Variants in ACAP1 observed in about 807,000 individuals in gnomAD.
ACAP1 encodes the protein ArfGAP with coiled-coil, ankyrin repeat and PH domains 1, also known as arf-GAP with coiled-coil, ANK repeat and PH domain-containing protein 1.
ACAP1 carries 45 observed loss-of-function variants against 98.8 expected under a neutral mutation model. The observed-to-expected ratio is 0.46, with a 90% confidence interval of 0.36 to 0.58. The LOEUF is 0.58. Among genes scored for constraint, ACAP1 ranks in the 20% least tolerant of loss-of-function variants. The pLI is 0.00. For missense variants in ACAP1, 735 were observed against 971.4 expected, an observed-to-expected ratio of 0.76 and a Z score of 3.24; for synonymous variants, 362 against 375.3, an observed-to-expected ratio of 0.96 and a Z score of 0.41.
In ACAP1 at chr17:7,350,475, T is replaced by A. The variant is rs2073395017; in HGVS notation, c.2072+238T>A. The A allele has an allele frequency of 3.5e-6, 2 of 570,142 alleles. No individual in the cohort carries two copies. The highest frequency in any genetic ancestry group is 6.2e-6 in the Non-Finnish European group (2 of 320,522). 35.3% of individuals were successfully genotyped at this position (570,142 alleles called of 1,614,324 possible). A position where few individuals can be genotyped will look rare whatever the true frequency, so the allele number is the denominator to read the frequency against. On this transcript the variant is annotated intron_variant, in intron 20 of 21. Transcript: ENST00000158762. The surrounding 1 kb of genome is among the most constrained non-coding windows in gnomAD (Gnocchi z 4.6). Reference sequence around the variant, plus strand: ...GGGTGCAAGGATGCTTGGCCCACCCTGAGAGGCGTAATTCGCCCATCAACA... The same window carrying A: ...GGGTGCAAGGATGCTTGGCCCACCCAGAGAGGCGTAATTCGCCCATCAACA...
At position 7,350,485 on chromosome 17, in the gene ACAP1, AATTCGCCC is replaced by A. The variant is rs1418276696; in HGVS notation, c.2072+251_2072+258del. 1 of 563,624 alleles carries A rather than the reference AATTCGCCC, an allele frequency of 1.8e-6. No individual in the cohort carries two copies. Among genetic ancestry groups the A allele is most frequent in the African/African-American group, 1.9e-5 (1 of 52,952 alleles). 34.9% of individuals were successfully genotyped at this position (563,624 alleles called of 1,614,324 possible). On this transcript the variant is annotated intron_variant, in intron 20 of 21. Transcript: ENST00000158762. This position sits in a 1 kb window ranked among gnomAD's most constrained non-coding sequence, Gnocchi z 4.6. ...ATGCTTGGCCCACCCTGAGAGGCGT[AATTCGCCC>A]ATCAACATTGCTGTCAGGCATCTTT...
intron 2 of ACAP1, among the ~76,000 whole-genome samples, chr17:7,338,213 G>T (rs2073240199): frequency 6.6e-6 from 1 of 152,000 alleles, no homozygotes; most frequent in Admixed American, 6.6e-5. Context: ...TGTTTTATGG[G>T]CAACATGGTG....
intron 2 of ACAP1, among the ~76,000 whole-genome samples, chr17:7,339,558 C>T (rs370281456): frequency 2.6e-4 from 39 of 151,798 alleles, no homozygotes; most frequent in Middle Eastern, 3.5e-3. Flanking sequence ...TGCAGTGAGC[C>T]GAGATCACGC....
intron 2 of ACAP1, among the ~76,000 whole-genome samples, chr17:7,340,715 G>A (rs186030389): frequency 3.8e-4 from 58 of 152,200 alleles, no homozygotes; most frequent in African/African-American, 1.3e-3. Flanking sequence ...GCGTGGTGGC[G>A]GGCACCTGTA....
In ACAP1 at chr17:7,342,264, T is replaced by C. The variant is rs142518938; in HGVS notation, c.232-11T>C. On this transcript the variant is annotated splice_polypyrimidine_tract_variant and intron_variant, in intron 3 of 21. Transcript: ENST00000158762. Reference sequence around the variant, plus strand: ...ATGCCTGGTACTCTTTCTGTGCCTCTTCTTGCCTAGGAGTGTCTGGAAAAA... The same window carrying C: ...ATGCCTGGTACTCTTTCTGTGCCTCCTCTTGCCTAGGAGTGTCTGGAAAAA... 4.7e-4 allele frequency: 764 copies of C among 1,614,032 alleles called. 2 individuals are homozygous for C. The African/African-American group carries it at 8.8e-3, about 19-fold the overall frequency.
intron 3 of ACAP1, 83 bp from the exon 4 acceptor site, chr17:7,342,192 A>G: frequency 6.2e-7 from 1 of 1,607,440 alleles, no homozygotes; most frequent in Non-Finnish European, 8.5e-7. Context: ...GCTGTCCATG[A>G]CAGCCGTAGC....
At chr17:7,347,789 C>T in intron 14 of ACAP1, 133 bp from the exon 15 acceptor site, 1 of 715,776 alleles carries the variant, frequency 1.4e-6, no homozygotes, top group Non-Finnish European at 2.4e-6. Context: ...CGCAGCTGCC[C>T]TGCCTCCTGG....
rs1402329956 is a variant in ACAP1 at position 7,349,023 on chromosome 17, G to T, written c.1707G>T (p.Leu569=). The change falls in exon 18 of 22, where the codon CTG becomes CTT. Residue 569 remains leucine (L), a synonymous_variant. Coordinates refer to ENST00000158762, the MANE Select transcript of ACAP1 (RefSeq NM_014716.4). The stretch of plus-strand genomic sequence containing the variant: ...CCCCCTCTGAGGACCTGGGAAGCCT[G>T]CACCCTGGGGCCCTACTGTTTCGAG... ...PEPPSEDLGS[L]HPGALLFRAS... 1 of 1,613,652 alleles carries T rather than the reference G, an allele frequency of 6.2e-7. No individual in the cohort carries two copies. Among genetic ancestry groups the T allele is most frequent in the Admixed American group, 1.7e-5 (1 of 60,004 alleles).
In ACAP1 at chr17:7,340,750, G is replaced by A. The variant is rs553639303; in HGVS notation, c.112-1198G>A. Reference sequence around the variant, plus strand: ...AATCCCAGCTACTCTGGAGGCTGAGGCAGGAGGATCGCTTGAACCTGGGAG... The same window carrying A: ...AATCCCAGCTACTCTGGAGGCTGAGACAGGAGGATCGCTTGAACCTGGGAG... On this transcript the variant is annotated intron_variant, in intron 2 of 21. Coordinates refer to ENST00000158762, the MANE Select transcript of ACAP1 (RefSeq NM_014716.4). 3.9e-5 allele frequency among the ~76,000 whole-genome samples: 6 copies of A among 152,310 alleles called. No homozygotes were observed. In the East Asian group the frequency reaches 7.7e-4, roughly 20 times the overall value.
At chr17:7,339,751 C>T (rs2073257642) in intron 2 of ACAP1, among the ~76,000 whole-genome samples, 1 of 152,146 alleles carries the variant, frequency 6.6e-6, no homozygotes. Context: ...GGTACTTTAT[C>T]ACGTGTATGG....
chr17:7,349,790 A>C, intron 18 of ACAP1, 155 bp from the exon 19 acceptor site: 1 of 628,374 alleles, frequency 1.6e-6, no homozygotes, highest in Non-Finnish European at 2.8e-6. Context: ...GCTAGAGCCA[A>C]GCCTAGCTTG....
chr17:7,346,363 C>T (rs2073346207), intron 11 of ACAP1, 28 bp from the exon 12 acceptor site: 1 of 1,613,944 alleles, frequency 6.2e-7, no homozygotes, highest in Middle Eastern at 1.6e-4. Flanking sequence ...AGCTGGACAT[C>T]TGGCCCCTTA....
In ACAP1 at chr17:7,344,669, A is replaced by G. The variant is rs1248838176; in HGVS notation, c.854+21A>G. 2.0e-6 allele frequency: 3 copies of G among 1,512,220 alleles called. No homozygotes were observed. The allele number at this position is 1,512,220 out of a possible 1,614,324, so 93.7% of individuals were successfully genotyped here. On this transcript the variant is annotated intron_variant, in intron 10 of 21. Transcript: ENST00000158762. The surrounding 1 kb of genome is among the most constrained non-coding windows in gnomAD (Gnocchi z 4.9). ...AGCAGGTGAGGAGAGGACACCCCCA[A>G]TCAGCCCGCCCCACCCAATGATGTA...
Position 7,343,445 on chromosome 17 carries a change from C to T in ACAP1, c.411C>T (p.Ala137=), listed in dbSNP as rs2073313605. The T allele has an allele frequency of 3.1e-6, 5 of 1,613,960 alleles. No homozygotes were observed. The highest frequency in any genetic ancestry group is 2.7e-5 in the African/African-American group (2 of 74,922). Residue 137 remains alanine, a synonymous_variant, in exon 6 of 22, where the codon GCC becomes GCT. Coordinates refer to ENST00000158762, the MANE Select transcript of ACAP1 (RefSeq NM_014716.4). The surrounding 1 kb of genome is among the most constrained non-coding windows in gnomAD (Gnocchi z 4.9). ...GGGGGGCTGAGAGCCTGGAGGCTGC[C>T]CTGACCCACAACGCAGAGGTTCCCA... ...FWRGAESLEA[A]LTHNAEVPRR...
At chr17:7,348,842 T>C (rs1054388538) in intron 17 of ACAP1, 153 bp from the exon 18 acceptor site, 3 of 711,968 alleles carry the variant, frequency 4.2e-6, no homozygotes, top group Non-Finnish European at 2.3e-6. Flanking sequence ...TACTTACACA[T>C]ACCCACACTT....
At chr17:7,351,067 C>T (rs2073404786) in intron 21 of ACAP1, 68 bp downstream of exon 21, 1 of 1,475,664 alleles carries the variant, frequency 6.8e-7, no homozygotes. Context: ...TCCACGGTGA[C>T]CTCTCTCCCT....
chr17:7,337,455 TC>T (rs2143015525), intron 2 of ACAP1, 86 bp downstream of exon 2: 2 of 1,228,494 alleles, frequency 1.6e-6, no homozygotes, highest in Non-Finnish European at 1.2e-6. Context: ...ACAGAATGCA[TC>T]CCAGGGATTA....
At chr17:7,338,139 T>G (rs185539645) in intron 2 of ACAP1, among the ~76,000 whole-genome samples, 1 of 152,352 alleles carries the variant, frequency 6.6e-6, no homozygotes, top group Non-Finnish European at 1.5e-5. Context: ...ATTATGTATT[T>G]GCTTGCTATA....
Position 7,344,617 on chromosome 17 carries a change from C to A in ACAP1, c.823C>A (p.Arg275=). Residue 275 remains arginine, a synonymous_variant, in exon 10 of 22, where the codon CGG becomes AGG. Coordinates refer to ENST00000158762, the MANE Select transcript of ACAP1 (RefSeq NM_014716.4). The surrounding 1 kb of genome is among the most constrained non-coding windows in gnomAD (Gnocchi z 4.9). The stretch of plus-strand genomic sequence containing the variant: ...GGTGATGGAAGGACATCTCTTCAAA[C>A]GGGCCAGCAACGCATTTAAGACCTG... ...GLVMEGHLFK[R]ASNAFKTWSR... 6.4e-7 allele frequency: 1 copy of A among 1,551,252 alleles called. No homozygotes were observed. Among genetic ancestry groups the A allele is most frequent in the Non-Finnish European group, 8.7e-7 (1 of 1,146,920 alleles).
Sources: allele counts gnomAD v4.1 joint callset (sites outside exome capture counted in the v4.1 genomes callset), GRCh38; gene constraint gnomAD v4.1.1; non-coding constraint Gnocchi (gnomAD v3.1); transcripts MANE v1.5; gene names NCBI Gene and HGNC (gene_info 2026-07-23, HGNC 2026-07-21).